Variants in AMPH observed in about 807,000 individuals in gnomAD.
AMPH encodes amphiphysin (Stiff-Mann syndrome with breast cancer 128kD autoantigen).
In AMPH, 49 loss-of-function variants were observed where a neutral mutation model predicts 99.1. That is an observed-to-expected ratio of 0.49 (90% CI 0.39 to 0.63). The LOEUF is 0.63. Among genes scored for constraint, AMPH ranks in the 20% least tolerant of loss-of-function variants. AMPH has a pLI of 0.00. For synonymous variants in AMPH, 314 were observed against 317.3 expected, an observed-to-expected ratio of 0.99 and a Z score of 0.11; for missense variants, 759 against 863.4, an observed-to-expected ratio of 0.88 and a Z score of 1.52.
In AMPH at chr7:38,391,774, C is replaced by G; in HGVS notation, c.1852G>C (p.Glu618Gln). 1.2e-6 allele frequency: 2 copies of G among 1,613,842 alleles called. No homozygotes were observed. Among genetic ancestry groups the G allele is most frequent in the Non-Finnish European group, 8.5e-7 (1 of 1,179,956 alleles). The change falls in exon 19 of 21, where the codon GAA becomes CAA. Residue 618 changes from glutamate (E) to glutamine (Q), a missense_variant. Physicochemically the swap from Glu to Gln is conservative, Grantham distance 29 (BLOSUM62 2). This residue lies in a region of AMPH where 554 missense variants were observed against 575.6 expected (regional missense o/e 0.96). Coordinates refer to ENST00000356264, the MANE Select transcript of AMPH (RefSeq NM_001635.4). ...QLASAREASQELPPGFLYKVE... is the reference protein window; with the variant it reads ...QLASAREASQQLPPGFLYKVE... ...TTGTAGAGAAAGCCAGGAGGCAATT[C>G]CTGAGAGGCCTCCCTTGCAGATGCT...
At chr7:38,486,032 T>A (rs1788478408) in intron 5 of AMPH, among the ~76,000 whole-genome samples, 1 of 151,154 alleles carries the variant, frequency 6.6e-6, no homozygotes, top group Non-Finnish European at 1.5e-5. Flanking sequence ...TAACTCTACA[T>A]CTCAAGGAAC....
intron 17 of AMPH, among the ~76,000 whole-genome samples, chr7:38,409,881 TAA>T (rs1431023990): frequency 6.6e-6 from 1 of 152,204 alleles, no homozygotes; most frequent in African/African-American, 2.4e-5. Flanking sequence ...GATCAGTATT[TAA>T]AGTTTTAATT....
intron 2 of AMPH, among the ~76,000 whole-genome samples, chr7:38,517,927 G>GC (rs1562802688): frequency 6.6e-6 from 1 of 152,194 alleles, no homozygotes; most frequent in African/African-American, 2.4e-5. Context: ...TTTCTAGGCT[G>GC]CCCCTCTCAT....
intron 7 of AMPH, among the ~76,000 whole-genome samples, chr7:38,471,657 C>A (rs1038454411): frequency 2.0e-5 from 3 of 152,102 alleles, no homozygotes; most frequent in African/African-American, 7.2e-5. Context: ...ATGGACTGAG[C>A]ACAGCAATCG....
At chr7:38,389,057 T>C (rs1322300311) in intron 20 of AMPH, among the ~76,000 whole-genome samples, 1 of 152,250 alleles carries the variant, frequency 6.6e-6, no homozygotes, top group Non-Finnish European at 1.5e-5. Flanking sequence ...ATGTTGAACA[T>C]ATTAAGTCTT....
chr7:38,518,296 T>C (rs556784073), intron 2 of AMPH, among the ~76,000 whole-genome samples: 51 of 152,256 alleles, frequency 3.3e-4, no homozygotes, highest in African/African-American at 1.1e-3. Flanking sequence ...TGTCACAGAA[T>C]CTCTACTAGG....
At chr7:38,407,345 C>CTCTCTT (rs1409032690) in intron 17 of AMPH, among the ~76,000 whole-genome samples, 2 of 150,596 alleles carry the variant, frequency 1.3e-5, no homozygotes, top group Non-Finnish European at 3.0e-5. Flanking sequence ...ATCTCTCTCT[C>CTCTCTT]TCTCTCTTTC....
intron 1 of AMPH, among the ~76,000 whole-genome samples, chr7:38,570,447 TACTCCCATA>T (rs1445914502): frequency 1.3e-5 from 2 of 152,138 alleles, no homozygotes; most frequent in African/African-American, 4.8e-5. Context: ...TATCTAATGG[TACTCCCATA>T]AGATTGTAGT....
At chr7:38,586,802 T>C (rs1177016316) in intron 1 of AMPH, among the ~76,000 whole-genome samples, 2 of 152,252 alleles carry the variant, frequency 1.3e-5, no homozygotes, top group Non-Finnish European at 2.9e-5. Context: ...CTAAGCACTT[T>C]ACATGTCTTC....
chr7:38,468,873 G>GAGTACCA (rs1584132125), intron 7 of AMPH, among the ~76,000 whole-genome samples: 1 of 66,534 alleles, frequency 1.5e-5, no homozygotes, highest in African/African-American at 6.9e-5. Flanking sequence ...ACATACAGAC[G>GAGTACCA]GCCGGGCGCG....
intron 20 of AMPH, among the ~76,000 whole-genome samples, chr7:38,387,269 C>G (rs1456122570): frequency 1.3e-5 from 2 of 152,034 alleles, no homozygotes; most frequent in Non-Finnish European, 2.9e-5. Flanking sequence ...GAAAATATGA[C>G]CAAAAGATTA....
chr7:38,568,423 C>T (rs999304446), intron 1 of AMPH, among the ~76,000 whole-genome samples: 1 of 152,130 alleles, frequency 6.6e-6, no homozygotes, highest in South Asian at 2.1e-4. Context: ...CAAGATTGTG[C>T]CACTGCACTC....
chr7:38,562,992 A>G (rs36017485), intron 1 of AMPH, among the ~76,000 whole-genome samples: 32,028 of 152,152 alleles, frequency 0.21, 4,255 homozygotes, highest in East Asian at 0.48. Flanking sequence ...AGTCAACTAC[A>G]TTTGCACCCA....
intron 12 of AMPH, among the ~76,000 whole-genome samples, chr7:38,433,744 A>AAAAAAAAAAAAAAAAAAAAG (rs1562751901): frequency 8.8e-5 from 13 of 147,392 alleles, no homozygotes; most frequent in African/African-American, 3.3e-4. Flanking sequence ...AAAAAAAAAA[A>AAAAAAAAAAAAAAAAAAAAG]AAGAATCAAA....
At chr7:38,455,602 G>A (rs911717106) in intron 11 of AMPH, among the ~76,000 whole-genome samples, 9 of 152,164 alleles carry the variant, frequency 5.9e-5, no homozygotes, top group African/African-American at 1.9e-4. Context: ...CCAGATGTGA[G>A]GAAAAGATAA....
At chr7:38,571,435 A>ATATATAGAATATT (rs1584259959) in intron 1 of AMPH, among the ~76,000 whole-genome samples, 6 of 6,260 alleles carry the variant, frequency 9.6e-4, no homozygotes, top group Non-Finnish European at 2.3e-3. Context: ...TAGAATATTT[A>ATATATAGAATATT]TATAGAATAT....
At chr7:38,434,153 C>T (rs978637315) in intron 12 of AMPH, among the ~76,000 whole-genome samples, 3 of 152,104 alleles carry the variant, frequency 2.0e-5, no homozygotes, top group Admixed American at 2.0e-4. Context: ...GGTTTTATTA[C>T]CTGGCCCTGA....
chr7:38,525,277 T>TATATAGAGAG lies in AMPH; in HGVS notation c.150+9653_150+9654insCTCTCTATAT, dbSNP rs1481528083. Among the ~76,000 whole-genome samples the TATATAGAGAG allele has an allele frequency of 4.1e-3, 359 of 86,624 alleles. 4 individuals carry two copies. Among genetic ancestry groups the TATATAGAGAG allele is most frequent in the South Asian group, 0.013 (28 of 2,228 alleles). 56.8% of individuals were successfully genotyped at this position (86,624 alleles called of 152,430 possible). On this transcript the variant is annotated intron_variant, in intron 2 of 20. Coordinates refer to ENST00000356264, the MANE Select transcript of AMPH (RefSeq NM_001635.4). Reference sequence around the variant, plus strand: ...GTGTGTGTATATATATATATATATATAGAGAGAGAGAGAGAGAGAGAGAGA... The same window carrying TATATAGAGAG: ...GTGTGTGTATATATATATATATATATATATAGAGAGAGAGAGAGAGAGAGAGAGAGAGAGA...
chr7:38,622,901 G>T (rs1315351049), intron 1 of AMPH, among the ~76,000 whole-genome samples: 1 of 152,184 alleles, frequency 6.6e-6, no homozygotes, highest in African/African-American at 2.4e-5. Flanking sequence ...TCCAGCTCCT[G>T]CCTCCACCCT....
Sources: gnomAD v4.1 joint callset for allele counts (sites outside exome capture counted in the v4.1 genomes callset) on GRCh38, gnomAD v4.1.1 for gene constraint, gnomAD v4.1.1 regional missense constraint, MANE v1.5 for transcripts, NCBI Gene and HGNC (gene_info 2026-07-23, HGNC 2026-07-21) for gene names.